Variants in BFSP1 observed in about 807,000 individuals in gnomAD.
The protein encoded by BFSP1 is beaded filament structural protein 1.
A neutral mutation model predicts 43.9 loss-of-function variants in BFSP1; 38 were observed. That is an observed-to-expected ratio of 0.87 (90% CI 0.67 to 1.14). The LOEUF (loss-of-function observed/expected upper bound fraction) is 1.14, where lower values mean the gene tolerates loss of function less well. Among genes scored for constraint, BFSP1 ranks in the 50% most tolerant of loss-of-function variants. BFSP1 has a pLI of 0.00. For missense variants in BFSP1, 850 were observed against 875.1 expected (o/e 0.97, Z 0.36); for synonymous variants, 352 against 354.8 (o/e 0.99, Z 0.09).
At position 17,507,598 on chromosome 20, in the gene BFSP1, A is replaced by T. The variant is rs1435845919; in HGVS notation, c.735+1291T>A. On this transcript the variant is annotated intron_variant, in intron 5 of 7. Transcript: ENST00000377873. This position sits in a 1 kb window ranked among gnomAD's most constrained non-coding sequence, Gnocchi z 4.4. Reference sequence around the variant, plus strand: ...CACATGACACACACACACCACACACACTTCACATACACATCCCACATATAT... The same window carrying T: ...CACATGACACACACACACCACACACTCTTCACATACACATCCCACATATAT... Among the ~76,000 whole-genome samples the T allele has an allele frequency of 2.6e-5, 4 of 151,966 alleles. No homozygotes were observed. The East Asian group carries it at 7.7e-4, about 29-fold the overall frequency.
In BFSP1 at chr20:17,525,641, G is replaced by C. The variant is rs892706560; in HGVS notation, c.378-733C>G. On this transcript the variant is annotated intron_variant, in intron 1 of 7. Coordinates refer to ENST00000377873, the MANE Select transcript of BFSP1 (RefSeq NM_001195.5). This position sits in a 1 kb window ranked among gnomAD's most constrained non-coding sequence, Gnocchi z 4.2. ...TGCTCGGCTGGGACAACTGAGGCACGTCCCTCTGGGGGAATTTTAACCCTA... is the reference window on the plus strand; with the variant it reads ...TGCTCGGCTGGGACAACTGAGGCACCTCCCTCTGGGGGAATTTTAACCCTA... Among the ~76,000 whole-genome samples, 3 of 152,156 alleles carry C rather than the reference G, an allele frequency of 2.0e-5. No individual in the cohort carries two copies. The highest frequency in any genetic ancestry group is 7.2e-5 in the African/African-American group (3 of 41,446).
intron 1 of BFSP1, among the ~76,000 whole-genome samples, chr20:17,553,692 G>C (rs2034931373): frequency 6.6e-6 from 1 of 150,464 alleles, no homozygotes. Flanking sequence ...TGATCATCAA[G>C]GCCTTTCGGA....
chr20:17,541,090 T>A (rs1568711037), intron 1 of BFSP1: 1 of 186,144 alleles, frequency 5.4e-6, no homozygotes, highest in African/African-American at 2.4e-5. Flanking sequence ...CTTGAGAGGC[T>A]GAGGCGGGAG....
chr20:17,495,856 C>T (rs1160038972), intron 7 of BFSP1, among the ~76,000 whole-genome samples: 2 of 152,160 alleles, frequency 1.3e-5, no homozygotes, highest in Admixed American at 6.5e-5. Flanking sequence ...AACCACAGGG[C>T]AAGACCGATC....
intron 1 of BFSP1, among the ~76,000 whole-genome samples, chr20:17,542,241 G>A (rs2034729557): frequency 6.7e-6 from 1 of 149,918 alleles, no homozygotes. Flanking sequence ...AACGGTGAGA[G>A]TATCTACACC....
At chr20:17,560,152 A>G (rs1328419909), upstream of BFSP1, among the ~76,000 whole-genome samples, 1 of 151,926 alleles carries the variant, frequency 6.6e-6, no homozygotes, top group Non-Finnish European at 1.5e-5. Flanking sequence ...GCAGACCCCA[A>G]AGAAAATAAA....
intron 6 of BFSP1, among the ~76,000 whole-genome samples, chr20:17,497,353 A>AT (rs1274006636): frequency 6.6e-6 from 1 of 150,584 alleles, no homozygotes; most frequent in African/African-American, 2.4e-5. Context: ...TGCCTTTTTG[A>AT]TTTTTTTAGT....
intron 5 of BFSP1, among the ~76,000 whole-genome samples, chr20:17,501,741 C>T (rs1440068876): frequency 6.6e-6 from 1 of 152,210 alleles, no homozygotes; most frequent in Non-Finnish European, 1.5e-5. Flanking sequence ...GTCAGCCCCA[C>T]CCATCCAAAG....
At chr20:17,566,788 A>G (rs1217753877) in intron 1 of BFSP1, among the ~76,000 whole-genome samples, 1 of 152,006 alleles carries the variant, frequency 6.6e-6, no homozygotes, top group Non-Finnish European at 1.5e-5. Context: ...TGAATAGCTG[A>G]GATTACAGGT....
At chr20:17,533,376 A>G (rs1351257001), upstream of BFSP1, among the ~76,000 whole-genome samples, 2 of 152,200 alleles carry the variant, frequency 1.3e-5, no homozygotes, top group Non-Finnish European at 2.9e-5. Flanking sequence ...TTTGTTCCCT[A>G]TGATACCATG....
At position 17,539,105 on chromosome 20, in the gene BFSP1, C is replaced by CTTCTTTTTTT. The variant is rs34002192; in HGVS notation, c.3-14198_3-14197insAAAAAAAGAA. 8.8e-4 allele frequency among the ~76,000 whole-genome samples: 56 copies of CTTCTTTTTTT among 63,562 alleles called. 1 individual carries two copies. Among genetic ancestry groups the CTTCTTTTTTT allele is most frequent in the East Asian group, 1.5e-3 (3 of 1,954 alleles). 41.7% of individuals were successfully genotyped at this position (63,562 alleles called of 152,430 possible). A position where few individuals can be genotyped will look rare whatever the true frequency, so the allele number is the denominator to read the frequency against. On this transcript the variant is annotated intron_variant, in intron 1 of 7. Transcript: ENST00000377868. ...TGCATCCATGAATATATTTCTTCTTCTTTTTTTTTTTTTTTTTTTTTTTTT... is the reference window on the plus strand; with the variant it reads ...TGCATCCATGAATATATTTCTTCTTCTTCTTTTTTTTTTTTTTTTTTTTTTTTTTTTTTTT...
intron 1 of BFSP1, among the ~76,000 whole-genome samples, chr20:17,558,125 G>C (rs1438328924): frequency 6.7e-6 from 1 of 149,304 alleles, no homozygotes; most frequent in East Asian, 2.0e-4. Context: ...AAGATGGGGG[G>C]GGGTTTTACT....
intron 5 of BFSP1, among the ~76,000 whole-genome samples, chr20:17,503,985 A>G (rs1317698006): frequency 6.6e-6 from 1 of 152,186 alleles, no homozygotes; most frequent in Non-Finnish European, 1.5e-5. Context: ...GTGGAGTGCA[A>G]TCTTTTTATG....
At chr20:17,505,560 C>G (rs1057140396) in intron 5 of BFSP1, among the ~76,000 whole-genome samples, 4 of 152,248 alleles carry the variant, frequency 2.6e-5, no homozygotes, top group Non-Finnish European at 5.9e-5. Flanking sequence ...GGGCCCTGCC[C>G]GGCGGTGTGC....
chr20:17,568,552 TC>T lies in BFSP1; in HGVS notation n.50+618del, dbSNP rs1322639610. ...TAGAAATGCCCATTCTCAAGCATCA[TC>T]TTAGAAGCAGTGAGGGAACCTTGGG... On this transcript the variant is annotated intron_variant and non_coding_transcript_variant, in intron 1 of 6. Transcript: ENST00000473415. Among the ~76,000 whole-genome samples the T allele has an allele frequency of 3.9e-5, 6 of 152,034 alleles. No individual in the cohort carries two copies. The South Asian group carries it at 8.3e-4, about 21-fold the overall frequency.
At chr20:17,528,498 C>T (rs2034467079) in intron 1 of BFSP1, among the ~76,000 whole-genome samples, 1 of 152,208 alleles carries the variant, frequency 6.6e-6, no homozygotes. Flanking sequence ...GGGCACTTTC[C>T]CCCTTTGCTT....
intron 3 of BFSP1, among the ~76,000 whole-genome samples, chr20:17,512,561 G>T (rs7272051): frequency 0.044 from 6,686 of 152,178 alleles, 486 homozygotes; most frequent in African/African-American, 0.15. Flanking sequence ...TACAAAAAAT[G>T]TTAAAATTAG....
intron 5 of BFSP1, among the ~76,000 whole-genome samples, chr20:17,506,190 A>G (rs1250057079): frequency 3.3e-5 from 5 of 152,152 alleles, no homozygotes; most frequent in Admixed American, 6.5e-5. Flanking sequence ...GCAAAGAAAC[A>G]GGGTCCTCAC....
intron 1 of BFSP1, among the ~76,000 whole-genome samples, chr20:17,551,125 C>G (rs1443294552): frequency 6.6e-6 from 1 of 152,176 alleles, no homozygotes; most frequent in African/African-American, 2.4e-5. Flanking sequence ...TTAGGCCATA[C>G]TTGCATTGCT....
Sources: allele counts gnomAD v4.1 joint callset (sites outside exome capture counted in the v4.1 genomes callset), GRCh38; gene constraint gnomAD v4.1.1; non-coding constraint Gnocchi (gnomAD v3.1); transcripts MANE v1.5; gene names NCBI Gene and HGNC (gene_info 2026-07-23, HGNC 2026-07-21).